MAGI2: variants seen among roughly 807,000 people sequenced by gnomAD.
The protein encoded by MAGI2 is membrane associated guanylate kinase, WW and PDZ domain containing 2, also known as membrane-associated guanylate kinase, WW and PDZ domain-containing protein 2.
Under a neutral mutation model 133.3 loss-of-function variants are expected in MAGI2, and 35 were observed. The observed-to-expected ratio is 0.26, with a 90% CI of 0.20 to 0.35. The LOEUF is 0.35. Among genes scored for constraint, MAGI2 ranks in the 10% least tolerant of loss-of-function variants. The probability of loss-of-function intolerance (pLI) is 1.00; values close to 1 mark genes in which losing one functional copy is unlikely to be tolerated. For synonymous variants in MAGI2, 729 were observed against 710.6 expected, an observed-to-expected ratio of 1.03 and a Z score of -0.41; for missense variants, 1,636 against 1,863.4, an observed-to-expected ratio of 0.88 and a Z score of 2.25.
intron 6 of MAGI2, among the ~76,000 whole-genome samples, chr7:78,443,574 C>T (rs145267152): frequency 2.0e-5 from 3 of 152,096 alleles, no homozygotes; most frequent in African/African-American, 7.2e-5. Flanking sequence ...TTGATTATTC[C>T]TCTGTTATAA....
intron 1 of MAGI2, among the ~76,000 whole-genome samples, chr7:79,166,212 C>G (rs1824890424): frequency 6.6e-6 from 1 of 152,030 alleles, no homozygotes; most frequent in Non-Finnish European, 1.5e-5. Context: ...AGTCACTTAT[C>G]AGTCCCAGAT....
intron 6 of MAGI2, among the ~76,000 whole-genome samples, chr7:78,430,587 A>C (rs1799698993): frequency 6.6e-6 from 1 of 152,086 alleles, no homozygotes; most frequent in South Asian, 2.1e-4. Context: ...ATATTTGATG[A>C]AAGTAATAGT....
At chr7:78,770,211 C>T (rs2151318215) in intron 2 of MAGI2, among the ~76,000 whole-genome samples, 1 of 152,208 alleles carries the variant, frequency 6.6e-6, no homozygotes, top group East Asian at 1.9e-4. Context: ...CACATCTGTA[C>T]CCACTGGTTG....
At chr7:78,031,290 G>A (rs1283311421) in intron 21 of MAGI2, among the ~76,000 whole-genome samples, 1 of 152,162 alleles carries the variant, frequency 6.6e-6, no homozygotes, top group African/African-American at 2.4e-5. Flanking sequence ...TGGTAGTGAT[G>A]ATATAACTAT....
chr7:78,692,976 A>C (rs185764764), intron 2 of MAGI2, among the ~76,000 whole-genome samples: 1 of 152,308 alleles, frequency 6.6e-6, no homozygotes, highest in East Asian at 1.9e-4. Flanking sequence ...ATCATATCCA[A>C]TACTCATGCT....
chr7:78,438,594 T>C (rs972197097), intron 6 of MAGI2, among the ~76,000 whole-genome samples: 4 of 152,170 alleles, frequency 2.6e-5, no homozygotes, highest in African/African-American at 9.7e-5. Context: ...GCCAAAGTCA[T>C]GAAAAATCCG....
At chr7:78,587,264 T>A (rs1803522183) in intron 3 of MAGI2, among the ~76,000 whole-genome samples, 2 of 152,300 alleles carry the variant, frequency 1.3e-5, no homozygotes, top group Non-Finnish European at 2.9e-5. Context: ...TATCCCCCCT[T>A]TTTTTCTCTT....
chr7:78,784,690 G>A (rs2151350642), intron 2 of MAGI2, among the ~76,000 whole-genome samples: 1 of 152,226 alleles, frequency 6.6e-6, no homozygotes, highest in Admixed American at 6.5e-5. Flanking sequence ...TACTCTTTTT[G>A]TCCAATCACA....
chr7:79,294,351 A>G (rs917338355), intron 1 of MAGI2, among the ~76,000 whole-genome samples: 3 of 151,934 alleles, frequency 2.0e-5, no homozygotes, highest in Non-Finnish European at 4.4e-5. Flanking sequence ...TATTGGGCAG[A>G]AAAGGAAAAA....
chr7:78,513,775 T>C (rs942146530), intron 4 of MAGI2, among the ~76,000 whole-genome samples: 2 of 152,054 alleles, frequency 1.3e-5, no homozygotes, highest in East Asian at 3.9e-4. Flanking sequence ...GTTGAGTGCA[T>C]GCAATGCTGA....
chr7:78,689,404 A>T (rs1816713663), intron 2 of MAGI2, among the ~76,000 whole-genome samples: 1 of 152,168 alleles, frequency 6.6e-6, no homozygotes, highest in South Asian at 2.1e-4. Context: ...GAAAAAAACC[A>T]TTCTTTTAAA....
intron 20 of MAGI2, among the ~76,000 whole-genome samples, chr7:78,090,909 CACTGGGAAAT>C (rs1343954226): frequency 6.6e-6 from 1 of 152,194 alleles, no homozygotes; most frequent in Non-Finnish European, 1.5e-5. Context: ...CTGTGAGAAG[CACTGGGAAAT>C]ACACTCTTAT....
chr7:78,672,733 A>C (rs113584843), intron 2 of MAGI2, among the ~76,000 whole-genome samples: 3 of 152,174 alleles, frequency 2.0e-5, no homozygotes, highest in Admixed American at 1.3e-4. Flanking sequence ...CCTGTGCCCC[A>C]TCCTGGGGCT....
chr7:78,979,985 G>T (rs967085249), intron 2 of MAGI2, among the ~76,000 whole-genome samples: 4 of 151,732 alleles, frequency 2.6e-5, no homozygotes, highest in Non-Finnish European at 5.9e-5. Flanking sequence ...ATTGCCTTGG[G>T]TCACTCAGCT....
intron 10 of MAGI2, among the ~76,000 whole-genome samples, chr7:78,207,067 A>C (rs1268661537): frequency 1.3e-5 from 2 of 152,220 alleles, no homozygotes; most frequent in Non-Finnish European, 2.9e-5. Context: ...TAAAAGAAAA[A>C]AGTGAAAAGA....
chr7:79,449,877 C>T (rs4584090), intron 1 of MAGI2, among the ~76,000 whole-genome samples: 37 of 120,376 alleles, frequency 3.1e-4, no homozygotes, highest in East Asian at 1.4e-3. Flanking sequence ...GAGATATATA[C>T]ATATATATAT....
At chr7:79,425,106 C>T (rs1397002349) in intron 1 of MAGI2, among the ~76,000 whole-genome samples, 1 of 151,860 alleles carries the variant, frequency 6.6e-6, no homozygotes, top group Non-Finnish European at 1.5e-5. Context: ...AAAAAATTAG[C>T]TGGGAGTGGT....
chr7:79,418,822 AATACAC>A (rs1158489914), intron 1 of MAGI2, among the ~76,000 whole-genome samples: 1 of 140,496 alleles, frequency 7.1e-6, no homozygotes, highest in Non-Finnish European at 1.6e-5. Context: ...AGCAAGTTCC[AATACAC>A]ATACACACAC....
At chr7:78,566,137 G>C (rs1038209639) in intron 3 of MAGI2, among the ~76,000 whole-genome samples, 2 of 152,164 alleles carry the variant, frequency 1.3e-5, no homozygotes, top group African/African-American at 4.8e-5. Flanking sequence ...ACATCTCTTG[G>C]AAGTCGTTCC....
Sources: gnomAD v4.1 joint callset for allele counts (sites outside exome capture counted in the v4.1 genomes callset) on GRCh38, gnomAD v4.1.1 for gene constraint, MANE v1.5 for transcripts, NCBI Gene and HGNC (gene_info 2026-07-23, HGNC 2026-07-21) for gene names.